The following FARSB variants were observed in gnomAD, a reference collection of about 807,000 sequenced individuals.
FARSB encodes the protein phenylalanine--tRNA ligase beta subunit.
In FARSB, 40 loss-of-function variants were observed where a neutral mutation model predicts 69.6. The observed-to-expected ratio is 0.57, with a 90% CI of 0.45 to 0.75. The LOEUF (loss-of-function observed/expected upper bound fraction) is 0.75. Among genes scored for constraint, FARSB ranks in the 30% least tolerant of loss-of-function variants. FARSB has a pLI of 0.00. For missense variants in FARSB, 632 were observed against 722.9 expected (o/e 0.87, Z 1.44); for synonymous variants, 235 against 247.2 (o/e 0.95, Z 0.46).
intron 5 of FARSB, among the ~76,000 whole-genome samples, chr2:222,638,166 A>G (rs112817132): frequency 2.0e-5 from 3 of 152,356 alleles, no homozygotes; most frequent in African/African-American, 7.2e-5. Flanking sequence ...TAACTTAGAC[A>G]ATATCGATAT....
At chr2:222,592,368 A>G (rs758501812) in intron 16 of FARSB, among the ~76,000 whole-genome samples, 1 of 152,116 alleles carries the variant, frequency 6.6e-6, no homozygotes, top group Non-Finnish European at 1.5e-5. Flanking sequence ...TTGACAGTTT[A>G]TCAGAATACA....
At position 222,607,998 on chromosome 2, in the gene FARSB, C is replaced by T. The variant is rs1277850586; in HGVS notation, c.1462+5813G>A. 4.0e-5 allele frequency among the ~76,000 whole-genome samples: 6 copies of T among 151,812 alleles called. No individual in the cohort carries two copies. In the South Asian group the frequency reaches 6.2e-4, roughly 16 times the overall value. On this transcript the variant is annotated intron_variant, in intron 15 of 16. Coordinates refer to ENST00000281828, the MANE Select transcript of FARSB (RefSeq NM_005687.5). ...ACACAATATTCAATGCATGACAGGA[C>T]ACATTATACTCACGTTAGCAGATCT... is the stretch of plus-strand genomic sequence containing the variant.
At chr2:222,655,963 G>T in intron 1 of FARSB, 53 bp downstream of exon 1, 3 of 1,402,982 alleles carry the variant, frequency 2.1e-6, no homozygotes, top group Non-Finnish European at 3.0e-6. Context: ...TTTGGAGGGA[G>T]GCCCTGCCTC....
intron 16 of FARSB, among the ~76,000 whole-genome samples, chr2:222,592,688 C>A (rs1574917943): frequency 6.7e-6 from 1 of 149,644 alleles, no homozygotes; most frequent in East Asian, 1.9e-4. Flanking sequence ...AGTATGGATG[C>A]AGAAGAGAAG....
chr2:222,655,953 T>G, intron 1 of FARSB, 63 bp downstream of exon 1: 21 of 1,320,284 alleles, frequency 1.6e-5, no homozygotes, highest in Non-Finnish European at 2.2e-5. Context: ...ACATTGCCCT[T>G]TTGGAGGGAG....
At chr2:222,585,593 T>G (rs1690091885) in intron 16 of FARSB, among the ~76,000 whole-genome samples, 1 of 152,176 alleles carries the variant, frequency 6.6e-6, no homozygotes, top group Non-Finnish European at 1.5e-5. Context: ...AGGAGGATGC[T>G]CGAACACATC....
At chr2:222,596,054 C>T (rs996593210) in intron 16 of FARSB, among the ~76,000 whole-genome samples, 12 of 152,118 alleles carry the variant, frequency 7.9e-5, no homozygotes. Flanking sequence ...TCCCACTCAA[C>T]ATTGATCTTA....
chr2:222,602,243 A>G (rs575131257), intron 15 of FARSB, among the ~76,000 whole-genome samples: 1 of 152,304 alleles, frequency 6.6e-6, no homozygotes, highest in South Asian at 2.1e-4. Context: ...AAAAAAATGC[A>G]ACTAAAATAA....
chr2:222,635,714 A>C (rs557874940), intron 5 of FARSB, among the ~76,000 whole-genome samples: 3 of 152,212 alleles, frequency 2.0e-5, no homozygotes, highest in Non-Finnish European at 2.9e-5. Context: ...TGAATCAAAG[A>C]CCTAAGCATT....
chr2:222,607,649 A>T (rs2576005), intron 15 of FARSB, among the ~76,000 whole-genome samples: 129,282 of 150,094 alleles, frequency 0.86, 55,746 homozygotes, highest in East Asian at 0.97. Context: ...GTTGGATATT[A>T]AAAAAAAAAA....
chr2:222,628,709 A>T, intron 10 of FARSB, 128 bp downstream of exon 10: 1 of 625,592 alleles, frequency 1.6e-6, no homozygotes, highest in South Asian at 2.2e-5. Context: ...CATGTAATGC[A>T]CATAGTGTAG....
At chr2:222,592,989 G>A (rs569546175) in intron 16 of FARSB, among the ~76,000 whole-genome samples, 4 of 151,996 alleles carry the variant, frequency 2.6e-5, no homozygotes, top group South Asian at 2.1e-4. Context: ...CTACCTGCCC[G>A]TTAGTCACTT....
At chr2:222,620,770 T>C (rs1257159824) in intron 13 of FARSB, among the ~76,000 whole-genome samples, 2 of 152,246 alleles carry the variant, frequency 1.3e-5, no homozygotes, top group Non-Finnish European at 2.9e-5. Flanking sequence ...TTAGGCAATA[T>C]TGTTCATTAT....
At position 222,637,510 on chromosome 2, in the gene FARSB, G is replaced by A. The variant is rs149615255; in HGVS notation, c.455+2070C>T. On this transcript the variant is annotated intron_variant, in intron 5 of 16. Coordinates refer to ENST00000281828, the MANE Select transcript of FARSB (RefSeq NM_005687.5). The stretch of plus-strand genomic sequence containing the variant: ...CAAGGCCAGGAAAGAATTACTCAAC[G>A]GAATTAGAGGAAACAGTGCTCCATG... Among the ~76,000 whole-genome samples the A allele has an allele frequency of 2.0e-3, 310 of 152,274 alleles. 1 individual carries two copies. Among genetic ancestry groups the A allele is most frequent in the African/African-American group, 6.0e-3 (251 of 41,554 alleles).
rs143371121 is a variant in FARSB at position 222,632,792 on chromosome 2, C to T, written c.715+407G>A. On this transcript the variant is annotated intron_variant, in intron 7 of 16. Transcript: ENST00000281828. Reference sequence around the variant, plus strand: ...CTGCACCACTGCACTCCAGCCTGGGCGACAGAGCAAGAGCCTGTCTCAAAA... The same window carrying T: ...CTGCACCACTGCACTCCAGCCTGGGTGACAGAGCAAGAGCCTGTCTCAAAA... 1.6e-3 allele frequency among the ~76,000 whole-genome samples: 232 copies of T among 148,908 alleles called. 2 individuals carry two copies. The highest frequency in any genetic ancestry group is 0.013 in the Admixed American group (192 of 14,798).
intron 16 of FARSB, among the ~76,000 whole-genome samples, chr2:222,596,139 C>A (rs1690407971): frequency 6.6e-6 from 1 of 152,042 alleles, no homozygotes; most frequent in South Asian, 2.1e-4. Context: ...ATATGTAAGA[C>A]CAGGGGACCA....
Position 222,633,323 on chromosome 2 carries a change from G to T in FARSB, c.607-16C>A. On this transcript the variant is annotated splice_polypyrimidine_tract_variant and intron_variant, in intron 6 of 16. Transcript: ENST00000281828. ...GATTGTCAGTCTGAAAACAAATTAA[G>T]TCAAATAAAATTAGTTTTTTTTTTT... is the stretch of plus-strand genomic sequence containing the variant. The T allele has an allele frequency of 1.6e-6, 2 of 1,233,994 alleles. No homozygotes were observed. Among genetic ancestry groups the T allele is most frequent in the Non-Finnish European group, 2.3e-6 (2 of 856,270 alleles). The allele number at this position is 1,233,994 out of a possible 1,614,324, so 76.4% of individuals were successfully genotyped here.
chr2:222,644,582 T>A (rs1015836283), intron 2 of FARSB: 3 of 442,634 alleles, frequency 6.8e-6, no homozygotes, highest in African/African-American at 4.0e-5. Flanking sequence ...ACAGAGAAGA[T>A]AATATAATAA....
Position 222,571,271 on chromosome 2 carries a change from T to C in FARSB, c.*600A>G, listed in dbSNP as rs1034433000. On this transcript the variant is annotated 3_prime_UTR_variant, in exon 17 of 17. Transcript: ENST00000281828. ...AGAGTATCACAGATAGAGTAAAAAATACCTATGCACCCTCACATATTTTGA... is the reference window on the plus strand; with the variant it reads ...AGAGTATCACAGATAGAGTAAAAAACACCTATGCACCCTCACATATTTTGA... 2.6e-5 allele frequency: 4 copies of C among 152,218 alleles called. No homozygotes were observed. The highest frequency in any genetic ancestry group is 4.8e-5 in the African/African-American group (2 of 41,458). The allele number at this position is 152,218 out of a possible 1,614,324, so 9.4% of individuals were successfully genotyped here.
Sources: allele counts gnomAD v4.1 joint callset (sites outside exome capture counted in the v4.1 genomes callset), GRCh38; gene constraint gnomAD v4.1.1; transcripts MANE v1.5; gene names NCBI Gene and HGNC (gene_info 2026-07-23, HGNC 2026-07-21).